Variants in BST1 observed in about 807,000 individuals in gnomAD.
The protein encoded by BST1 is ADP-ribosyl cyclase/cyclic ADP-ribose hydrolase 2.
Under a neutral mutation model 40.6 loss-of-function variants are expected in BST1, and 49 were observed. The ratio of observed to expected loss-of-function variants is 1.21; its 90% confidence interval spans 0.96 to 1.53. The LOEUF (loss-of-function observed/expected upper bound fraction) is 1.53. Ranked by LOEUF, BST1 falls within the 40% of genes most tolerant of loss-of-function variation. The pLI, the probability that BST1 is intolerant of heterozygous loss-of-function variation, is 0.00. For synonymous variants in BST1, 157 were observed against 159.3 expected (o/e 0.99, Z 0.11); for missense variants, 423 against 395.9 (o/e 1.07, Z -0.58).
intron 4 of BST1, among the ~76,000 whole-genome samples, chr4:15,713,430 C>A (rs991442134): frequency 6.6e-6 from 1 of 151,892 alleles, no homozygotes; most frequent in Non-Finnish European, 1.5e-5. Context: ...ATAATCCACC[C>A]GCCTCAGCCT....
exon 7 of BST1, chr4:15,738,127 T>A (rs1390142792): frequency 1.8e-5 from 4 of 219,738 alleles, no homozygotes; most frequent in African/African-American, 9.1e-5. Context: ...GTGACCATGA[T>A]GTTTCAATGT....
downstream of BST1, chr4:15,735,996 C>A: frequency 3.7e-6 from 4 of 1,068,570 alleles, no homozygotes; most frequent in Non-Finnish European, 5.0e-6. Context: ...TGTCATACTG[C>A]ACGCAGAGTA....
chr4:15,772,459 A>C, the BST1 span, among the ~76,000 whole-genome samples: 1 of 152,224 alleles, frequency 6.6e-6, no homozygotes, highest in Non-Finnish European at 1.5e-5. Context: ...ACCAGCATTT[A>C]TAGACATCAG....
At chr4:15,736,070 G>A, downstream of BST1, 1 of 1,288,566 alleles carries the variant, frequency 7.8e-7, no homozygotes, top group Non-Finnish European at 1.0e-6. Context: ...AGGCTATGTG[G>A]GACATTAGGA....
intron 1 of BST1, among the ~76,000 whole-genome samples, chr4:15,705,180 C>T (rs1051649460): frequency 6.6e-6 from 1 of 151,868 alleles, no homozygotes; most frequent in Non-Finnish European, 1.5e-5. Context: ...GAGACTGGCC[C>T]CACCGTTAGG....
intron 8 of BST1, among the ~76,000 whole-genome samples, chr4:15,728,251 G>T (rs1721210052): frequency 1.3e-5 from 2 of 151,838 alleles, no homozygotes; most frequent in African/African-American, 4.8e-5. Context: ...AATCTGCAAA[G>T]GTTTCAAATG....
intron 8 of BST1, among the ~76,000 whole-genome samples, chr4:15,725,522 T>C (rs1375480531): frequency 1.3e-5 from 2 of 152,144 alleles, no homozygotes; most frequent in Non-Finnish European, 2.9e-5. Context: ...TCCACCCTCA[T>C]GTCGCTGCTG....
chr4:15,710,779 C>T (rs4613560), intron 3 of BST1, among the ~76,000 whole-genome samples: 126,702 of 152,130 alleles, frequency 0.83, 53,120 homozygotes, highest in East Asian at 0.97. Flanking sequence ...ATTATGCATA[C>T]ATGCCATATT....
the BST1 span, among the ~76,000 whole-genome samples, chr4:15,754,547 T>C: frequency 6.6e-6 from 1 of 152,142 alleles, no homozygotes; most frequent in Non-Finnish European, 1.5e-5. Context: ...CAGCACTGTG[T>C]GGTTTTGAAT....
At chr4:15,729,017 A>G (rs1013166923) in intron 8 of BST1, among the ~76,000 whole-genome samples, 8 of 152,198 alleles carry the variant, frequency 5.3e-5, no homozygotes, top group African/African-American at 1.7e-4. Context: ...TTGAACCAGT[A>G]TTGGAATTTG....
chr4:15,730,931 C>A, intron 8 of BST1: 4 of 254,566 alleles, frequency 1.6e-5, no homozygotes, highest in Non-Finnish European at 2.9e-5. Flanking sequence ...TTTTTTTATA[C>A]TGGTAGCAGT....
chr4:15,710,980 G>T (rs959869777), intron 3 of BST1, among the ~76,000 whole-genome samples: 1 of 151,942 alleles, frequency 6.6e-6, no homozygotes, highest in Non-Finnish European at 1.5e-5. Flanking sequence ...AGTAGAGATG[G>T]GGTTTTACCA....
At chr4:15,766,917 C>A in the BST1 span, among the ~76,000 whole-genome samples, 2 of 151,616 alleles carry the variant, frequency 1.3e-5, no homozygotes, top group African/African-American at 4.9e-5. Flanking sequence ...CTGGACCAAC[C>A]AATGCCCACA....
At chr4:15,728,643 CTTTTTT>C (rs869200119) in intron 8 of BST1, among the ~76,000 whole-genome samples, 1 of 119,802 alleles carries the variant, frequency 8.3e-6, no homozygotes, top group African/African-American at 3.2e-5. Context: ...TCCTTCCTTC[CTTTTTT>C]TTTTTTTTTT....
chr4:15,759,158 C>G, the BST1 span, among the ~76,000 whole-genome samples: 1 of 152,018 alleles, frequency 6.6e-6, no homozygotes, highest in East Asian at 1.9e-4. Context: ...TTAGGAAGCT[C>G]AAGCATCTCA....
At chr4:15,751,356 C>G in the BST1 span, among the ~76,000 whole-genome samples, 3 of 152,054 alleles carry the variant, frequency 2.0e-5, no homozygotes, top group South Asian at 6.2e-4. Context: ...AGTCACATGA[C>G]CACCATGGGC....
At position 15,705,661 on chromosome 4, in the gene BST1, G is replaced by C; in HGVS notation, c.315+20G>C. The C allele has an allele frequency of 6.2e-7, 1 of 1,613,064 alleles. No individual in the cohort carries two copies. Among genetic ancestry groups the C allele is most frequent in the Non-Finnish European group, 8.5e-7 (1 of 1,179,116 alleles). On this transcript the variant is annotated intron_variant, in intron 2 of 8. Transcript: ENST00000265016. ...GATAAGGTAACACCACAACCATCTT[G>C]GGTAAAACTGTGTTCTCTGTCTCTA...
In BST1 at chr4:15,715,284, G is replaced by C; in HGVS notation, c.535-1G>C. The stretch of plus-strand genomic sequence containing the variant: ...CTAAAAATACTTGGTTCTTCTCGTA[G>C]TATTCCAAGGATAGTTCTGGGGTGA... On this transcript the variant is annotated splice_acceptor_variant, in intron 4 of 8. Coordinates refer to ENST00000265016, the MANE Select transcript of BST1 (RefSeq NM_004334.3). LOFTEE classifies it high-confidence loss of function. 1.9e-6 allele frequency: 3 copies of C among 1,613,698 alleles called. No homozygotes were observed. The highest frequency in any genetic ancestry group is 2.5e-6 in the Non-Finnish European group (3 of 1,179,700).
Position 15,705,593 on chromosome 4 carries a change from C to T in BST1, c.267C>T (p.Asp89=). ...DKDPCSVLPS[D]YDLFINLSRH... is the part of the protein sequence containing the mutation. The stretch of plus-strand genomic sequence containing the variant: ...ATCCCTGCTCCGTGCTGCCCTCAGA[C>T]TATGACCTTTTTATTAACTTGTCCA... The change falls in exon 2 of 9, where the codon GAC becomes GAT. Residue 89 remains aspartate, a synonymous_variant. Coordinates refer to ENST00000265016, the MANE Select transcript of BST1 (RefSeq NM_004334.3). 1 of 1,614,008 alleles carries T rather than the reference C, an allele frequency of 6.2e-7. No homozygotes were observed. Among genetic ancestry groups the T allele is most frequent in the Non-Finnish European group, 8.5e-7 (1 of 1,179,914 alleles).
Sources: allele counts gnomAD v4.1 joint callset (sites outside exome capture counted in the v4.1 genomes callset), GRCh38; gene constraint gnomAD v4.1.1; transcripts MANE v1.5; gene names NCBI Gene and HGNC (gene_info 2026-07-23, HGNC 2026-07-21).